The following ANKRD30A variants were observed in gnomAD, a reference collection of about 807,000 sequenced individuals.
ANKRD30A encodes ankyrin repeat domain 30A.
ANKRD30A carries 170 observed loss-of-function variants against 166.3 expected under a neutral mutation model. That is an observed-to-expected ratio of 1.02 (90% CI 0.90 to 1.16). The LOEUF is 1.16. ANKRD30A is among the 50% of genes most tolerant of loss of function. The pLI, the probability that ANKRD30A is intolerant of heterozygous loss-of-function variation, is 0.00. For synonymous variants in ANKRD30A, 564 were observed against 508.9 expected (o/e 1.11, Z -1.46); for missense variants, 1,630 against 1,518.0 (o/e 1.07, Z -1.23).
the ANKRD30A span, among the ~76,000 whole-genome samples, chr10:37,265,562 A>G: frequency 6.6e-6 from 1 of 152,284 alleles, no homozygotes; most frequent in Non-Finnish European, 1.5e-5. Context: ...TCTTTCTCAA[A>G]CAGCCAAATG....
chr10:37,195,456 A>T (rs1170838283), intron 27 of ANKRD30A, among the ~76,000 whole-genome samples: 1 of 152,138 alleles, frequency 6.6e-6, no homozygotes, highest in Non-Finnish European at 1.5e-5. Context: ...CCACGGCTTC[A>T]CATGCTAGTT....
intron 3 of ANKRD30A, among the ~76,000 whole-genome samples, chr10:37,131,260 G>C (rs547954620): frequency 6.6e-6 from 1 of 152,086 alleles, no homozygotes; most frequent in East Asian, 1.9e-4. Context: ...TCATTAATAA[G>C]CCATTTTATT....
At chr10:37,200,417 T>G (rs529032582) in intron 30 of ANKRD30A, among the ~76,000 whole-genome samples, 47 of 152,210 alleles carry the variant, frequency 3.1e-4, no homozygotes, top group African/African-American at 1.0e-3. Flanking sequence ...ACAGTCAAGC[T>G]GCAGCAGCAT....
intron 29 of ANKRD30A, 41 bp downstream of exon 29, chr10:37,197,521 A>G (rs1298977134): frequency 3.1e-6 from 5 of 1,610,728 alleles, no homozygotes; most frequent in African/African-American, 1.3e-5. Flanking sequence ...CAATATTTCA[A>G]TATTGAACAT....
intron 29 of ANKRD30A, among the ~76,000 whole-genome samples, chr10:37,197,983 T>C (rs1841290053): frequency 6.6e-6 from 1 of 152,098 alleles, no homozygotes; most frequent in Admixed American, 6.6e-5. Context: ...TGTGTGCCTG[T>C]GTGTGCCTGT....
At chr10:37,243,220 C>T in the ANKRD30A span, among the ~76,000 whole-genome samples, 7 of 150,666 alleles carry the variant, frequency 4.6e-5, no homozygotes, top group African/African-American at 9.8e-5. Context: ...CTGCAAGCTC[C>T]GCCTCCTGGG....
chr10:37,139,192 C>T (rs376770998), intron 6 of ANKRD30A, among the ~76,000 whole-genome samples: 1 of 152,178 alleles, frequency 6.6e-6, no homozygotes, highest in South Asian at 2.1e-4. Context: ...ATTTTGTCAA[C>T]AACATTTGAA....
chr10:37,137,947 C>T (rs1466178597), intron 6 of ANKRD30A, among the ~76,000 whole-genome samples: 5 of 152,206 alleles, frequency 3.3e-5, no homozygotes, highest in South Asian at 2.1e-4. Context: ...GGGTCCCAGA[C>T]CCTCGAGTAG....
chr10:37,226,403 C>T (rs1843156829), intron 34 of ANKRD30A, among the ~76,000 whole-genome samples: 1 of 151,318 alleles, frequency 6.6e-6, no homozygotes, highest in South Asian at 2.1e-4. Flanking sequence ...ATGATGGTTT[C>T]CAGCTTCATC....
intron 1 of ANKRD30A, 52 bp downstream of exon 1, chr10:37,126,060 A>G: frequency 9.4e-6 from 9 of 960,902 alleles, no homozygotes; most frequent in Non-Finnish European, 1.3e-5. Flanking sequence ...GGGCGGTGGG[A>G]GGATCGCCCC....
At chr10:37,257,814 A>G in the ANKRD30A span, among the ~76,000 whole-genome samples, 1 of 152,202 alleles carries the variant, frequency 6.6e-6, no homozygotes, top group Non-Finnish European at 1.5e-5. Flanking sequence ...TGTCCTTTGC[A>G]GGGACATGGA....
chr10:37,258,335 G>A, the ANKRD30A span, among the ~76,000 whole-genome samples: 1 of 152,030 alleles, frequency 6.6e-6, no homozygotes, highest in African/African-American at 2.4e-5. Flanking sequence ...GAAGAACCAA[G>A]AAAGTTCTGA....
intron 21 of ANKRD30A, among the ~76,000 whole-genome samples, chr10:37,171,427 A>G (rs1409017793): frequency 6.0e-5 from 9 of 149,950 alleles, no homozygotes; most frequent in Admixed American, 4.6e-4. Flanking sequence ...ACGCATTACA[A>G]CTGTTACTCA....
Position 37,125,664 on chromosome 10 carries a change from T to G in ANKRD30A, c.-124T>G. 1 of 419,266 alleles carries G rather than the reference T, an allele frequency of 2.4e-6. No individual in the cohort carries two copies. The allele number at this position is 419,266 out of a possible 1,614,324, so 26.0% of individuals were successfully genotyped here. A position where few individuals can be genotyped will look rare whatever the true frequency, so the allele number is the denominator to read the frequency against. ...GCAAGAGCTTGGCGAACACAGAACT[T>G]TTTACGGGTATCGAGGCGGTGCGTG... On this transcript the variant is annotated 5_prime_UTR_variant, in exon 1 of 36. Coordinates refer to ENST00000361713, the MANE Select transcript of ANKRD30A (RefSeq NM_052997.3).
chr10:37,246,752 A>C, the ANKRD30A span, among the ~76,000 whole-genome samples: 1 of 152,190 alleles, frequency 6.6e-6, no homozygotes, highest in African/African-American at 2.4e-5. Context: ...AGGATTTTCC[A>C]ATCTTAGCAT....
chr10:37,151,952 A>C, intron 11 of ANKRD30A, 108 bp from the exon 12 acceptor site: 1 of 974,200 alleles, frequency 1.0e-6, no homozygotes, highest in Non-Finnish European at 1.5e-6. Context: ...TATACGGGCC[A>C]CAGAGGAAAA....
the ANKRD30A span, among the ~76,000 whole-genome samples, chr10:37,249,057 G>C: frequency 2.6e-5 from 4 of 152,134 alleles, no homozygotes; most frequent in Non-Finnish European, 5.9e-5. Context: ...ACTTGCAAGG[G>C]TGGTTCCTGG....
At chr10:37,251,688 A>AG in the ANKRD30A span, among the ~76,000 whole-genome samples, 1 of 152,214 alleles carries the variant, frequency 6.6e-6, no homozygotes, top group South Asian at 2.1e-4. Context: ...CCATGGGCAA[A>AG]GCAACATGAT....
chr10:37,132,305 G>A lies in ANKRD30A; in HGVS notation c.576G>A (p.Leu192=), dbSNP rs1250316051. The change falls in exon 4 of 36, where the codon CTG becomes CTA. Residue 192 remains leucine, a synonymous_variant. Transcript: ENST00000361713. ...KRSEQIVEFL[L]IKNANANAVN... ...GTGAGCAAATTGTGGAATTTTTGCT[G>A]ATAAAAAATGCAAATGCGAATGCAG... The A allele has an allele frequency of 6.2e-7, 1 of 1,605,080 alleles. No individual in the cohort carries two copies. The highest frequency in any genetic ancestry group is 8.5e-7 in the Non-Finnish European group (1 of 1,175,814).
Sources: gnomAD v4.1 joint callset for allele counts (sites outside exome capture counted in the v4.1 genomes callset) on GRCh38, gnomAD v4.1.1 for gene constraint, MANE v1.5 for transcripts, NCBI Gene and HGNC (gene_info 2026-07-23, HGNC 2026-07-21) for gene names.